The following PCDH15 variants were observed in gnomAD, a reference collection of about 807,000 sequenced individuals.
PCDH15 encodes the protein protocadherin-15.
A neutral mutation model predicts 178.5 loss-of-function variants in PCDH15; 129 were observed. The ratio of observed to expected loss-of-function variants is 0.72; its 90% CI spans 0.63 to 0.84. The LOEUF is 0.84. Among genes scored for constraint, PCDH15 ranks in the 40% least tolerant of loss-of-function variants. PCDH15 has a pLI of 0.00. For missense variants in PCDH15, 2,230 were observed against 2,099.9 expected, an observed-to-expected ratio of 1.06 and a Z score of -1.21; for synonymous variants, 800 against 732.0, an observed-to-expected ratio of 1.09 and a Z score of -1.50.
chr10:54,795,240 C>T (rs1392913019), intron 1 of PCDH15, among the ~76,000 whole-genome samples: 1 of 151,770 alleles, frequency 6.6e-6, no homozygotes, highest in Admixed American at 6.6e-5. Context: ...TAAACATTCA[C>T]TTACTTTTTA....
chr10:55,399,122 G>C lies in PCDH15; in HGVS notation c.-156+228503C>G, dbSNP rs749953523. Reference sequence around the variant, plus strand: ...CAAAATTCATTTGGTATTCAAAAAGGCTTGGTTTGTTCAAAAATATCATTC... The same window carrying C: ...CAAAATTCATTTGGTATTCAAAAAGCCTTGGTTTGTTCAAAAATATCATTC... On this transcript the variant is annotated intron_variant, in intron 2 of 5. Coordinates refer to the PCDH15 transcript ENST00000613346. 3.9e-5 allele frequency among the ~76,000 whole-genome samples: 6 copies of C among 152,100 alleles called. No homozygotes were observed. In the South Asian group the frequency reaches 8.3e-4, roughly 21 times the overall value.
rs538551905 is a variant in PCDH15 at position 54,651,511 on chromosome 10, C to T, written c.91+12661G>A. Among the ~76,000 whole-genome samples, 15 of 152,212 alleles carry T rather than the reference C, an allele frequency of 9.9e-5. No individual in the cohort carries two copies. In the South Asian group the frequency reaches 3.1e-3, roughly 32 times the overall value. ...ACTTCAACTTCTGCAGTAAGCAAAG[C>T]CATAGTATGCAAACTGGCCTTTAAA... On this transcript the variant is annotated intron_variant, in intron 2 of 37. Transcript: ENST00000644397.
chr10:54,249,729 A>T (rs2056306822), intron 8 of PCDH15, among the ~76,000 whole-genome samples: 2 of 151,450 alleles, frequency 1.3e-5, no homozygotes, highest in Admixed American at 1.3e-4. Context: ...AATTATGTGA[A>T]TATCAAATTA....
chr10:54,714,884 A>T (rs2095462255), intron 1 of PCDH15, among the ~76,000 whole-genome samples: 1 of 152,166 alleles, frequency 6.6e-6, no homozygotes, highest in Non-Finnish European at 1.5e-5. Flanking sequence ...GGTATAAACA[A>T]ATATATTCAA....
At chr10:54,875,157 C>T (rs2131799629) in intron 3 of PCDH15, among the ~76,000 whole-genome samples, 1 of 152,222 alleles carries the variant, frequency 6.6e-6, no homozygotes, top group Admixed American at 6.5e-5. Flanking sequence ...GTAGTTCTCA[C>T]AATATTTCAA....
At chr10:55,462,172 T>C (rs749261041) in intron 2 of PCDH15, among the ~76,000 whole-genome samples, 10 of 152,180 alleles carry the variant, frequency 6.6e-5, no homozygotes, top group Non-Finnish European at 8.8e-5. Context: ...GTTTCATATA[T>C]ATTTCCAAAT....
intron 1 of PCDH15, among the ~76,000 whole-genome samples, chr10:55,234,640 C>T (rs1450418125): frequency 6.6e-6 from 1 of 152,016 alleles, no homozygotes; most frequent in Non-Finnish European, 1.5e-5. Flanking sequence ...CTCGGCCTCC[C>T]AAAGTGCTAG....
intron 1 of PCDH15, among the ~76,000 whole-genome samples, chr10:55,290,356 G>A (rs1312204729): frequency 6.7e-6 from 1 of 150,220 alleles, no homozygotes; most frequent in East Asian, 1.9e-4. Context: ...AATGTTTAGA[G>A]ATCACCTCTG....
In PCDH15 at chr10:54,235,010, T is replaced by C. The variant is rs1351083166; in HGVS notation, c.985+1813A>G. On this transcript the variant is annotated intron_variant, in intron 9 of 37. Transcript: ENST00000644397. ...TCCAGTACTTCCGGCCCCCTTGTTG[T>C]TTCTGAAACCCACCTGGCAAGCTTC... Among the ~76,000 whole-genome samples, 10 of 152,324 alleles carry C rather than the reference T, an allele frequency of 6.6e-5. No individual in the cohort carries two copies. The East Asian group carries it at 1.7e-3, about 27-fold the overall frequency.
chr10:55,058,712 T>C (rs558589590), intron 2 of PCDH15, among the ~76,000 whole-genome samples: 1 of 152,282 alleles, frequency 6.6e-6, no homozygotes, highest in African/African-American at 2.4e-5. Flanking sequence ...GGTCTGAAAA[T>C]GGAAATATTC....
chr10:55,609,046 G>GCA (rs1307874129), intron 2 of PCDH15, among the ~76,000 whole-genome samples: 3 of 128,796 alleles, frequency 2.3e-5, no homozygotes, highest in African/African-American at 5.5e-5. Context: ...ACACACACAC[G>GCA]CACACACATA....
intron 2 of PCDH15, among the ~76,000 whole-genome samples, chr10:54,915,248 T>A (rs186666256): frequency 6.6e-6 from 1 of 152,346 alleles, no homozygotes; most frequent in Admixed American, 6.5e-5. Flanking sequence ...ACATGCTACT[T>A]GAAGGTTGAC....
At chr10:55,077,487 T>C (rs1222162604) in intron 2 of PCDH15, among the ~76,000 whole-genome samples, 1 of 149,986 alleles carries the variant, frequency 6.7e-6, no homozygotes, top group Non-Finnish European at 1.5e-5. Context: ...TTTCCTTTCC[T>C]TCCTTCTTTC....
chr10:54,639,239 T>C (rs998384120), intron 2 of PCDH15, among the ~76,000 whole-genome samples: 6 of 152,178 alleles, frequency 3.9e-5, no homozygotes, highest in Non-Finnish European at 8.8e-5. Context: ...ACTTTGAAAG[T>C]TAATATTATT....
intron 3 of PCDH15, among the ~76,000 whole-genome samples, chr10:54,890,475 C>A (rs1434948104): frequency 6.6e-6 from 1 of 151,904 alleles, no homozygotes; most frequent in East Asian, 1.9e-4. Context: ...CTACAGATGG[C>A]AATTTCTACT....
intron 20 of PCDH15, among the ~76,000 whole-genome samples, chr10:54,014,564 C>T (rs1241499400): frequency 1.3e-5 from 2 of 152,074 alleles, no homozygotes; most frequent in East Asian, 3.9e-4. Context: ...TAATCCACCA[C>T]AGTCAAGTAG....
chr10:55,124,154 A>G (rs1223635540), intron 2 of PCDH15, among the ~76,000 whole-genome samples: 4 of 152,104 alleles, frequency 2.6e-5, no homozygotes, highest in African/African-American at 9.7e-5. Flanking sequence ...ATCATAGACA[A>G]CCATTTAGAA....
intron 1 of PCDH15, among the ~76,000 whole-genome samples, chr10:54,674,128 T>A (rs1248983080): frequency 1.3e-5 from 2 of 152,194 alleles, no homozygotes; most frequent in Admixed American, 6.5e-5. Flanking sequence ...ATTCTATACA[T>A]ATAACTTTTT....
chr10:54,379,804 T>C (rs2135049853), intron 3 of PCDH15, among the ~76,000 whole-genome samples: 1 of 152,172 alleles, frequency 6.6e-6, no homozygotes, highest in African/African-American at 2.4e-5. Context: ...CGATCCATTT[T>C]ATTAAACTTA....
Sources: allele counts gnomAD v4.1 joint callset (sites outside exome capture counted in the v4.1 genomes callset), GRCh38; gene constraint gnomAD v4.1.1; transcripts MANE v1.5; gene names NCBI Gene and HGNC (gene_info 2026-07-23, HGNC 2026-07-21).